Variants in CUX1 observed in about 807,000 individuals in gnomAD.
The protein encoded by CUX1 is cut like homeobox 1, also known as protein CASP.
CUX1 carries 31 observed loss-of-function variants against 158.8 expected under a neutral mutation model. That is an observed-to-expected ratio of 0.20 (90% CI 0.15 to 0.26). The LOEUF (loss-of-function observed/expected upper bound fraction) is 0.26. Ranked by LOEUF, CUX1 falls within the 10% of genes least tolerant of loss-of-function variation. The probability of loss-of-function intolerance (pLI) is 1.00; values close to 1 mark genes in which losing one functional copy is unlikely to be tolerated. For synonymous variants in CUX1, 879 were observed against 862.1 expected, an observed-to-expected ratio of 1.02 and a Z score of -0.34; for missense variants, 1,589 against 2,014.6, an observed-to-expected ratio of 0.79 and a Z score of 4.04.
intron 1 of CUX1, among the ~76,000 whole-genome samples, chr7:101,831,516 T>C (rs1290053199): frequency 6.6e-6 from 1 of 152,032 alleles, no homozygotes; most frequent in Non-Finnish European, 1.5e-5. Context: ...GGTCTCGAAC[T>C]CCTGACCTCA....
chr7:101,834,086 G>A (rs552542111), intron 1 of CUX1, among the ~76,000 whole-genome samples: 13 of 152,096 alleles, frequency 8.5e-5, no homozygotes, highest in African/African-American at 2.7e-4. Context: ...TCCACAGGGC[G>A]GTGCCCAGGG....
chr7:102,278,654 TAAAAAAATAA>T (rs1422146766), intron 18 of CUX1, among the ~76,000 whole-genome samples: 30 of 31,178 alleles, frequency 9.6e-4, no homozygotes, highest in Admixed American at 6.6e-3. Context: ...TAAAATAAAA[TAAAAAAATAA>T]AATAAAATAT....
At chr7:101,908,334 C>CAGGG (rs1470541818) in intron 1 of CUX1, among the ~76,000 whole-genome samples, 1 of 152,206 alleles carries the variant, frequency 6.6e-6, no homozygotes, top group Non-Finnish European at 1.5e-5. Flanking sequence ...TTAGTAGAGA[C>CAGGG]AGGGTTTCGC....
At chr7:101,997,511 T>A (rs2129265322) in intron 2 of CUX1, among the ~76,000 whole-genome samples, 1 of 151,586 alleles carries the variant, frequency 6.6e-6, no homozygotes, top group Non-Finnish European at 1.5e-5. Context: ...GCCTGGCTAC[T>A]TTTTGTATTT....
intron 4 of CUX1, among the ~76,000 whole-genome samples, chr7:102,090,231 G>T (rs1174564069): frequency 6.6e-6 from 1 of 152,166 alleles, no homozygotes; most frequent in Non-Finnish European, 1.5e-5. Flanking sequence ...TATAGGTTGA[G>T]TGTCTTTTAT....
intron 2 of CUX1, among the ~76,000 whole-genome samples, chr7:102,001,334 C>T (rs1816661792): frequency 1.3e-5 from 2 of 150,328 alleles, no homozygotes; most frequent in South Asian, 2.1e-4. Flanking sequence ...AACTGAAAAG[C>T]TCCTGTTTGT....
chr7:102,278,259 C>T (rs1218290938), intron 18 of CUX1, among the ~76,000 whole-genome samples: 1 of 152,294 alleles, frequency 6.6e-6, no homozygotes, highest in South Asian at 2.1e-4. Context: ...GGGAGAAGCT[C>T]ACAGAGTGGA....
At chr7:102,080,448 G>A (rs1031276255) in intron 4 of CUX1, among the ~76,000 whole-genome samples, 6 of 152,176 alleles carry the variant, frequency 3.9e-5, no homozygotes, top group Admixed American at 3.3e-4. Flanking sequence ...AGCCTAGAGT[G>A]CCCTGGCGAA....
At chr7:101,873,909 A>G (rs767694680) in intron 1 of CUX1, among the ~76,000 whole-genome samples, 49 of 152,336 alleles carry the variant, frequency 3.2e-4, no homozygotes, top group Middle Eastern at 3.4e-3. Context: ...ATAGAATAAT[A>G]TAGGTACTTG....
At position 102,013,231 on chromosome 7, in the gene CUX1, G is replaced by A. The variant is rs188687709; in HGVS notation, c.142-14867G>A. ...TAGATCAAGAGAAATTTGTAAGAAA[G>A]ACAATAAGGTACAAAAATCGCCGAA... On this transcript the variant is annotated intron_variant, in intron 2 of 23. Transcript: ENST00000292535. 6.0e-3 allele frequency among the ~76,000 whole-genome samples: 910 copies of A among 151,908 alleles called. 15 individuals carry two copies. The highest frequency in any genetic ancestry group is 0.021 in the African/African-American group (884 of 41,396).
intron 16 of CUX1, chr7:102,274,339 G>C: frequency 6.3e-7 from 1 of 1,587,756 alleles, no homozygotes. Flanking sequence ...CATGGGAGGA[G>C]GGAGGAGGAG....
chr7:101,888,379 C>T (rs1363747615), intron 1 of CUX1, among the ~76,000 whole-genome samples: 1 of 152,138 alleles, frequency 6.6e-6, no homozygotes, highest in Non-Finnish European at 1.5e-5. Flanking sequence ...GTACCTGACA[C>T]TGTGCTTTAT....
chr7:102,108,736 T>TTGTGTGTGTGTGTGTGTGTGTGTGTG (rs10527026), intron 6 of CUX1, among the ~76,000 whole-genome samples: 64 of 145,060 alleles, frequency 4.4e-4, no homozygotes, highest in African/African-American at 1.4e-3. Flanking sequence ...TTCATTCATT[T>TTGTGTGTGTGTGTGTGTGTGTGTGTG]TGTGTGTGTG....
intron 4 of CUX1, among the ~76,000 whole-genome samples, chr7:102,071,640 G>A (rs1004537666): frequency 5.3e-5 from 8 of 152,102 alleles, no homozygotes; most frequent in Non-Finnish European, 1.0e-4. Flanking sequence ...TTAACAGAGC[G>A]AGGCAGACTC....
At chr7:102,198,437 A>G (rs1554518950) in intron 15 of CUX1, among the ~76,000 whole-genome samples, 2 of 152,232 alleles carry the variant, frequency 1.3e-5, no homozygotes, top group African/African-American at 4.8e-5. Flanking sequence ...AAGAAAATGC[A>G]GTGTTTTATG....
rs570701518 is a variant in CUX1, at chr7:101,933,625, G to T, written c.141+17400G>T. 7.2e-5 allele frequency among the ~76,000 whole-genome samples: 11 copies of T among 152,212 alleles called. No homozygotes were observed. The South Asian group carries it at 2.1e-3, about 29-fold the overall frequency. ...CAGAATTTTCAGTAGGTGTCATGTTGTATAGGAAATAAACATTTCTGTTTT... is the reference window on the plus strand; with the variant it reads ...CAGAATTTTCAGTAGGTGTCATGTTTTATAGGAAATAAACATTTCTGTTTT... On this transcript the variant is annotated intron_variant, in intron 2 of 23. Transcript: ENST00000292535.
chr7:101,899,872 G>A lies in CUX1; in HGVS notation c.31-16243G>A, dbSNP rs183930550. On this transcript the variant is annotated intron_variant, in intron 1 of 23. Coordinates refer to ENST00000292535, the MANE Select transcript of CUX1 (RefSeq NM_181552.4). ...GTGAACTTGGAGAGTGTGGGGAGCT[G>A]CCCCAGCCGAGGGCACTGGATGGGA... 2.0e-4 allele frequency among the ~76,000 whole-genome samples: 31 copies of A among 152,270 alleles called. No homozygotes were observed. The East Asian group carries it at 5.6e-3, about 28-fold the overall frequency.
At chr7:101,816,193 C>T (rs1791750603), upstream of CUX1, 1 of 421,342 alleles carries the variant, frequency 2.4e-6, no homozygotes, top group South Asian at 9.2e-5. Flanking sequence ...GCCGGGGGGC[C>T]CGCGGCGGCG....
At position 102,280,197 on chromosome 7, in the gene CUX1, C is replaced by T. The variant is rs914047459; in HGVS notation, c.1764+77C>T. The T allele has an allele frequency of 1.8e-5, 18 of 977,654 alleles. 1 individual carries two copies. The highest frequency in any genetic ancestry group is 2.9e-5 in the Non-Finnish European group (18 of 630,788). The allele number at this position is 977,654 out of a possible 1,614,324, so 60.6% of individuals were successfully genotyped here. A position where few individuals can be genotyped will look rare whatever the true frequency, so the allele number is the denominator to read the frequency against. ...GCCCAGGGGTCCCCCCATCACTTGG[C>T]CCCTATCCCTGAGCACTCGGCCTTC... is the stretch of plus-strand genomic sequence containing the variant. On this transcript the variant is annotated intron_variant, in intron 19 of 22. Coordinates refer to the CUX1 transcript ENST00000292538.
Sources: allele counts gnomAD v4.1 joint callset (sites outside exome capture counted in the v4.1 genomes callset), GRCh38; gene constraint gnomAD v4.1.1; transcripts MANE v1.5; gene names NCBI Gene and HGNC (gene_info 2026-07-23, HGNC 2026-07-21).